The following STK32B variants were observed in gnomAD, a reference collection of about 807,000 sequenced individuals.
The protein encoded by STK32B is serine/threonine kinase 32B.
STK32B carries 43 observed loss-of-function variants against 52.6 expected under a neutral mutation model. The observed-to-expected ratio is 0.82, with a 90% CI of 0.64 to 1.05. The LOEUF (loss-of-function observed/expected upper bound fraction) is 1.05. Among genes scored for constraint, STK32B ranks in the 50% least tolerant of loss-of-function variants. STK32B has a pLI of 0.00. For synonymous variants in STK32B, 238 were observed against 204.3 expected (o/e 1.17, Z -1.41); for missense variants, 621 against 534.6 (o/e 1.16, Z -1.59).
At chr4:5,117,408 T>TC (rs397752933) in intron 1 of STK32B, among the ~76,000 whole-genome samples, 1 of 152,038 alleles carries the variant, frequency 6.6e-6, no homozygotes, top group African/African-American at 2.4e-5. Flanking sequence ...GATTTTTTTT[T>TC]CTCCAGCACT....
intron 6 of STK32B, chr4:5,438,228 G>A: frequency 1.2e-6 from 1 of 802,202 alleles, no homozygotes; most frequent in Non-Finnish European, 1.5e-6. Context: ...ACACACTCTG[G>A]TGCAGGGAAG....
In STK32B at chr4:5,394,382, C is replaced by A. The variant is rs192026740; in HGVS notation, c.435-3825C>A. On this transcript the variant is annotated intron_variant, in intron 4 of 11. Coordinates refer to ENST00000282908, the MANE Select transcript of STK32B (RefSeq NM_018401.3). The surrounding 1 kb of genome is among the most constrained non-coding windows in gnomAD (Gnocchi z 4.2). ...AACCCGTTTTCAACAGGATGACGCGCTGGAGCTGAGATACGATCAATGTGA... is the reference window on the plus strand; with the variant it reads ...AACCCGTTTTCAACAGGATGACGCGATGGAGCTGAGATACGATCAATGTGA... 1.6e-4 allele frequency among the ~76,000 whole-genome samples: 25 copies of A among 152,280 alleles called. No individual in the cohort carries two copies. In the East Asian group the frequency reaches 4.8e-3, roughly 29 times the overall value.
At chr4:5,051,297 G>C (rs1045950783), upstream of STK32B, 6 of 153,940 alleles carry the variant, frequency 3.9e-5, no homozygotes, top group Admixed American at 2.0e-4. Flanking sequence ...AAAGCGCGTA[G>C]CCGAGGCCTG....
chr4:5,275,007 C>T (rs918745239), intron 3 of STK32B, among the ~76,000 whole-genome samples: 1 of 152,204 alleles, frequency 6.6e-6, no homozygotes, highest in African/African-American at 2.4e-5. Flanking sequence ...GGTGCTCTTC[C>T]GTGACCCACG....
At position 5,416,902 on chromosome 4, in the gene STK32B, C is replaced by A. The variant is rs1403270244; in HGVS notation, c.530C>A (p.Ala177Asp). The change falls in exon 6 of 12, where the codon GCT becomes GAT. Residue 177 changes from alanine (A) to aspartate (D), a missense_variant. Ala to Asp is a moderately radical substitution (Grantham distance 126). Transcript: ENST00000282908. ...IATVVKGAER[A>D]SSMAGTKPYM... is the part of the protein sequence containing the mutation. ...ACGGTAGTGAAAGGAGCAGAAAGGGCTTCCTCCATGGCTGGCACCAAGCCC... is the reference window on the plus strand; with the variant it reads ...ACGGTAGTGAAAGGAGCAGAAAGGGATTCCTCCATGGCTGGCACCAAGCCC... 1 of 1,613,814 alleles carries A rather than the reference C, an allele frequency of 6.2e-7. No homozygotes were observed. Among genetic ancestry groups the A allele is most frequent in the East Asian group, 2.2e-5 (1 of 44,870 alleles).
At chr4:5,026,386 T>C in the STK32B span, among the ~76,000 whole-genome samples, 1 of 152,184 alleles carries the variant, frequency 6.6e-6, no homozygotes, top group South Asian at 2.1e-4. Context: ...TGATTCCCAG[T>C]TCTGCATGGC....
At chr4:5,214,804 C>T (rs1195257273) in intron 3 of STK32B, among the ~76,000 whole-genome samples, 1 of 152,074 alleles carries the variant, frequency 6.6e-6, no homozygotes, top group Non-Finnish European at 1.5e-5. Context: ...TATTTTGGCA[C>T]ATATTGTCAA....
chr4:5,258,900 G>A (rs1255137632), intron 3 of STK32B, among the ~76,000 whole-genome samples: 2 of 152,144 alleles, frequency 1.3e-5, no homozygotes, highest in African/African-American at 2.4e-5. Context: ...TCCAGCAATC[G>A]TCTATGAGGC....
At chr4:5,496,723 C>G (rs1402180027) in intron 11 of STK32B, among the ~76,000 whole-genome samples, 1 of 151,776 alleles carries the variant, frequency 6.6e-6, no homozygotes, top group Non-Finnish European at 1.5e-5. Context: ...GGTCTTAAGT[C>G]TCTGTCCTTG....
intron 3 of STK32B, among the ~76,000 whole-genome samples, chr4:5,179,269 G>A (rs1720167514): frequency 6.6e-6 from 1 of 152,186 alleles, no homozygotes; most frequent in South Asian, 2.1e-4. Context: ...ACAGCATAGG[G>A]GAAGTTGCCC....
rs2108756305 is a variant in STK32B at position 5,184,360 on chromosome 4, T to C, written c.260+15910T>C. Among the ~76,000 whole-genome samples the C allele has an allele frequency of 2.0e-5, 3 of 152,268 alleles. No homozygotes were observed. The South Asian group carries it at 6.2e-4, about 32-fold the overall frequency. ...CATTCAGAACATGCACAACATTTAT[T>C]GATTACATTTACCTTCTTATATGGG... is the stretch of plus-strand genomic sequence containing the variant. On this transcript the variant is annotated intron_variant, in intron 3 of 11. Transcript: ENST00000282908.
chr4:5,464,164 A>G (rs1468892047), intron 9 of STK32B, among the ~76,000 whole-genome samples: 1 of 152,156 alleles, frequency 6.6e-6, no homozygotes, highest in East Asian at 1.9e-4. Context: ...GAGCTCACTC[A>G]CTATTGTGAG....
intron 9 of STK32B, 123 bp from the exon 10 acceptor site, chr4:5,466,580 G>A (rs1269571636): frequency 2.3e-6 from 3 of 1,282,916 alleles, no homozygotes; most frequent in Middle Eastern, 2.0e-4. Flanking sequence ...GGTAACCCGT[G>A]TATCCAACAA....
chr4:5,318,269 G>A (rs905807846), intron 3 of STK32B, among the ~76,000 whole-genome samples: 2 of 152,126 alleles, frequency 1.3e-5, no homozygotes, highest in African/African-American at 4.8e-5. Flanking sequence ...ATTTTAGGAA[G>A]TCAGAAAGAA....
chr4:5,114,376 ATCT>A (rs1282507853), intron 1 of STK32B, among the ~76,000 whole-genome samples: 5 of 151,940 alleles, frequency 3.3e-5, no homozygotes, highest in East Asian at 2.0e-4. Flanking sequence ...CCCATAAAAC[ATCT>A]TCTTATAGCA....
intron 5 of STK32B, among the ~76,000 whole-genome samples, chr4:5,413,992 A>G (rs1711935199): frequency 6.6e-6 from 1 of 152,238 alleles, no homozygotes; most frequent in East Asian, 1.9e-4. Context: ...TAAAAGTACT[A>G]ACATGTAAAG....
chr4:5,177,880 C>T (rs1720047316), intron 3 of STK32B, among the ~76,000 whole-genome samples: 1 of 152,228 alleles, frequency 6.6e-6, no homozygotes, highest in Admixed American at 6.5e-5. Flanking sequence ...GGCAGCTCTG[C>T]CTCTGTGGCT....
intron 1 of STK32B, among the ~76,000 whole-genome samples, chr4:5,131,726 T>C (rs888581727): frequency 1.3e-5 from 2 of 152,210 alleles, no homozygotes; most frequent in African/African-American, 4.8e-5. Context: ...GCATGGCATC[T>C]TCTGTCACTT....
At chr4:5,466,334 T>G (rs1026285425) in intron 9 of STK32B, among the ~76,000 whole-genome samples, 2 of 152,198 alleles carry the variant, frequency 1.3e-5, no homozygotes, top group Non-Finnish European at 2.9e-5. Flanking sequence ...TTATTTAGAA[T>G]GATTTTTATA....
Sources: allele counts gnomAD v4.1 joint callset (sites outside exome capture counted in the v4.1 genomes callset), GRCh38; gene constraint gnomAD v4.1.1; non-coding constraint Gnocchi (gnomAD v3.1); transcripts MANE v1.5; gene names NCBI Gene and HGNC (gene_info 2026-07-23, HGNC 2026-07-21).